PLPP1: variants seen among roughly 807,000 people sequenced by gnomAD.
PLPP1 encodes the protein phospholipid phosphatase 1.
A neutral mutation model predicts 31.2 loss-of-function variants in PLPP1; 24 were observed. The observed-to-expected ratio is 0.77, with a 90% confidence interval of 0.56 to 1.08. PLPP1 has a LOEUF of 1.08. Ranked by LOEUF, PLPP1 falls within the 50% of genes least tolerant of loss-of-function variation. The probability of loss-of-function intolerance (pLI) is 0.00; values close to 1 mark genes in which losing one functional copy is unlikely to be tolerated. For missense variants in PLPP1, 319 were observed against 342.7 expected, an observed-to-expected ratio of 0.93 and a Z score of 0.55; for synonymous variants, 146 against 126.3, an observed-to-expected ratio of 1.16 and a Z score of -1.05.
At chr5:55,439,387 G>A (rs544874205) in intron 4 of PLPP1, among the ~76,000 whole-genome samples, 1 of 152,244 alleles carries the variant, frequency 6.6e-6, no homozygotes, top group Non-Finnish European at 1.5e-5. Context: ...TCCATTTTCT[G>A]TACTCACTTT....
chr5:55,515,547 C>T (rs1753537679), intron 1 of PLPP1, among the ~76,000 whole-genome samples: 10 of 152,222 alleles, frequency 6.6e-5, no homozygotes, highest in Admixed American at 6.5e-4. Context: ...CCATCTCTTT[C>T]AGCTTCCAAC....
intron 4 of PLPP1, among the ~76,000 whole-genome samples, chr5:55,429,825 C>A (rs749354388): frequency 1.1e-4 from 17 of 152,082 alleles, no homozygotes; most frequent in Non-Finnish European, 1.6e-4. Context: ...TGATTACAGG[C>A]TACCCTGTCC....
At position 55,494,535 on chromosome 5, in the gene PLPP1, GT is replaced by G. The variant is rs533133595; in HGVS notation, c.59-19086del. Among the ~76,000 whole-genome samples the G allele has an allele frequency of 2.6e-5, 4 of 152,264 alleles. No individual in the cohort carries two copies. In the South Asian group the frequency reaches 8.3e-4, roughly 32 times the overall value. On this transcript the variant is annotated intron_variant, in intron 1 of 5. Coordinates refer to ENST00000307259, the MANE Select transcript of PLPP1 (RefSeq NM_003711.4). Reference sequence around the variant, plus strand: ...TAAATGCTCAGCCTCATCTTCCACTGTCCCCTTAAGGCTCCAATCACACTGA... The same window carrying G: ...TAAATGCTCAGCCTCATCTTCCACTGCCCCTTAAGGCTCCAATCACACTGA...
chr5:55,439,182 C>T (rs554802483), intron 4 of PLPP1, among the ~76,000 whole-genome samples: 4 of 152,298 alleles, frequency 2.6e-5, no homozygotes, highest in East Asian at 3.9e-4. Flanking sequence ...TACTTGAGTT[C>T]TTCTGTACAA....
intron 1 of PLPP1, among the ~76,000 whole-genome samples, chr5:55,478,963 A>G (rs1416636582): frequency 1.3e-5 from 2 of 151,894 alleles, no homozygotes; most frequent in Non-Finnish European, 2.9e-5. Context: ...CCTTAGAAAT[A>G]TTTTTAAATT....
At chr5:55,440,290 A>G (rs1447634768) in intron 4 of PLPP1, among the ~76,000 whole-genome samples, 3 of 152,010 alleles carry the variant, frequency 2.0e-5, no homozygotes, top group African/African-American at 7.3e-5. Context: ...ACACATTCAA[A>G]CGCCCTTCAG....
chr5:55,499,482 T>C (rs1332874010), intron 1 of PLPP1, among the ~76,000 whole-genome samples: 1 of 152,150 alleles, frequency 6.6e-6, no homozygotes, highest in Non-Finnish European at 1.5e-5. Flanking sequence ...GCACCTAAAA[T>C]AATCAGGCAG....
At chr5:55,440,550 G>A (rs887464834) in intron 4 of PLPP1, among the ~76,000 whole-genome samples, 2 of 152,168 alleles carry the variant, frequency 1.3e-5, no homozygotes, top group Admixed American at 6.5e-5. Context: ...AAACATTTGA[G>A]TGTGTGTCTT....
chr5:55,439,260 G>A (rs1483054029), intron 4 of PLPP1, among the ~76,000 whole-genome samples: 1 of 152,178 alleles, frequency 6.6e-6, no homozygotes, highest in East Asian at 1.9e-4. Flanking sequence ...TGTAACAGCA[G>A]CTGAGTCTCA....
At chr5:55,499,515 C>T (rs1753088321) in intron 1 of PLPP1, among the ~76,000 whole-genome samples, 1 of 152,154 alleles carries the variant, frequency 6.6e-6, no homozygotes, top group Non-Finnish European at 1.5e-5. Context: ...GACTCTTAAA[C>T]AGCAATCCTG....
At chr5:55,517,227 C>T (rs1460627114) in intron 1 of PLPP1, among the ~76,000 whole-genome samples, 2 of 152,156 alleles carry the variant, frequency 1.3e-5, no homozygotes, top group African/African-American at 2.4e-5. Flanking sequence ...CTCACTCTGT[C>T]GCCCAGGCTA....
At chr5:55,524,833 A>C (rs1482715706) in intron 1 of PLPP1, among the ~76,000 whole-genome samples, 1 of 152,180 alleles carries the variant, frequency 6.6e-6, no homozygotes, top group African/African-American at 2.4e-5. Context: ...AGTTTTAGGA[A>C]TATTAACTCT....
intron 1 of PLPP1, among the ~76,000 whole-genome samples, chr5:55,517,035 C>T (rs1296348263): frequency 6.6e-6 from 1 of 152,134 alleles, no homozygotes; most frequent in Non-Finnish European, 1.5e-5. Context: ...TCAGATAATT[C>T]ACTAAAATAT....
chr5:55,526,133 A>G (rs908130486), intron 1 of PLPP1, among the ~76,000 whole-genome samples: 3 of 152,202 alleles, frequency 2.0e-5, no homozygotes, highest in Non-Finnish European at 2.9e-5. Flanking sequence ...TTCTTAACCA[A>G]AAGAATCAGA....
intron 1 of PLPP1, among the ~76,000 whole-genome samples, chr5:55,500,612 C>A (rs907026422): frequency 8.0e-5 from 12 of 149,864 alleles, no homozygotes; most frequent in African/African-American, 2.9e-4. Context: ...AGACCAAAAT[C>A]ATCACATTTG....
intron 4 of PLPP1, among the ~76,000 whole-genome samples, chr5:55,428,455 C>A (rs1751263512): frequency 6.6e-6 from 1 of 152,182 alleles, no homozygotes; most frequent in Non-Finnish European, 1.5e-5. Context: ...GCTGACATGC[C>A]CAGAAATCCG....
At chr5:55,515,503 A>G (rs931722497) in intron 1 of PLPP1, among the ~76,000 whole-genome samples, 12 of 152,046 alleles carry the variant, frequency 7.9e-5, no homozygotes, top group African/African-American at 2.4e-4. Flanking sequence ...CCTCAATCCA[A>G]CTTTTTCAAA....
intron 1 of PLPP1, among the ~76,000 whole-genome samples, chr5:55,521,739 T>C (rs1753673059): frequency 6.6e-6 from 1 of 152,170 alleles, no homozygotes; most frequent in African/African-American, 2.4e-5. Flanking sequence ...TGGGTTATAT[T>C]TTTCCCTTGA....
chr5:55,504,933 T>C (rs1753239744), intron 1 of PLPP1, among the ~76,000 whole-genome samples: 1 of 151,730 alleles, frequency 6.6e-6, no homozygotes, highest in East Asian at 1.9e-4. Context: ...ACCATAGCCT[T>C]CTGAGTAGCT....
Sources: gnomAD v4.1 joint callset for allele counts (sites outside exome capture counted in the v4.1 genomes callset) on GRCh38, gnomAD v4.1.1 for gene constraint, MANE v1.5 for transcripts, NCBI Gene and HGNC (gene_info 2026-07-23, HGNC 2026-07-21) for gene names.